Variants in DNAH12 observed in about 807,000 individuals in gnomAD.
The protein encoded by DNAH12 is dynein axonemal heavy chain 12.
In DNAH12, 285 loss-of-function variants were observed where a neutral mutation model predicts 371.5. The observed-to-expected ratio is 0.77, with a 90% confidence interval of 0.70 to 0.85. The LOEUF (loss-of-function observed/expected upper bound fraction) is 0.85. DNAH12 is among the 40% of genes least tolerant of loss of function. The probability of loss-of-function intolerance (pLI) is 0.00; values close to 1 mark genes in which losing one functional copy is unlikely to be tolerated. For synonymous variants in DNAH12, 1,200 were observed against 1,213.0 expected, an observed-to-expected ratio of 0.99 and a Z score of 0.22; for missense variants, 3,611 against 3,689.4, an observed-to-expected ratio of 0.98 and a Z score of 0.55.
At chr3:57,304,857 G>C (rs978325843) in intron 69 of DNAH12, among the ~76,000 whole-genome samples, 1 of 151,796 alleles carries the variant, frequency 6.6e-6, no homozygotes, top group African/African-American at 2.4e-5. Flanking sequence ...CTTTCCTGGG[G>C]GGCAAGCACC....
chr3:57,454,967 G>A, intron 22 of DNAH12, 73 bp from the exon 23 acceptor site: 1 of 1,492,018 alleles, frequency 6.7e-7, no homozygotes. Context: ...TAACAATAGA[G>A]AAATGTAATA....
intron 65 of DNAH12, among the ~76,000 whole-genome samples, chr3:57,315,911 A>G (rs2061674968): frequency 6.6e-6 from 1 of 152,178 alleles, no homozygotes; most frequent in Non-Finnish European, 1.5e-5. Flanking sequence ...AAACAGAAAG[A>G]TGCATACTTG....
chr3:57,482,633 T>G (rs2066783881), intron 13 of DNAH12, among the ~76,000 whole-genome samples: 1 of 152,076 alleles, frequency 6.6e-6, no homozygotes, highest in Non-Finnish European at 1.5e-5. Flanking sequence ...GTATGTTTAT[T>G]GCAGCACTAT....
intron 25 of DNAH12, among the ~76,000 whole-genome samples, chr3:57,448,653 C>T (rs2065629639): frequency 1.3e-5 from 2 of 152,192 alleles, no homozygotes; most frequent in Non-Finnish European, 2.9e-5. Flanking sequence ...CTTTTATTCT[C>T]TTATCTGGCC....
intron 25 of DNAH12, among the ~76,000 whole-genome samples, chr3:57,447,498 T>C (rs4637258): frequency 0.7 from 106,106 of 152,054 alleles, 37,247 homozygotes; most frequent in South Asian, 0.8. Flanking sequence ...GGGGAATAAG[T>C]GAACTCTGCA....
chr3:57,426,399 G>A (rs997035312), intron 34 of DNAH12, among the ~76,000 whole-genome samples: 52 of 152,154 alleles, frequency 3.4e-4, no homozygotes, highest in African/African-American at 1.2e-3. Flanking sequence ...CAGAGCAGCT[G>A]CATGGTATTG....
chr3:57,406,167 A>G (rs782106031), intron 40 of DNAH12, among the ~76,000 whole-genome samples: 5 of 152,098 alleles, frequency 3.3e-5, no homozygotes, highest in Admixed American at 2.0e-4. Context: ...CCTGGCCAAC[A>G]TGGCAAAACC....
intron 60 of DNAH12, among the ~76,000 whole-genome samples, chr3:57,340,135 C>A (rs2062358689): frequency 6.6e-6 from 1 of 150,916 alleles, no homozygotes; most frequent in Non-Finnish European, 1.5e-5. Flanking sequence ...ATGTATGGGA[C>A]ACAACAAAAG....
intron 62 of DNAH12, among the ~76,000 whole-genome samples, chr3:57,332,709 A>C (rs1368446608): frequency 6.6e-6 from 1 of 152,180 alleles, no homozygotes; most frequent in East Asian, 1.9e-4. Flanking sequence ...GTACCTCTGA[A>C]TCCTTGCTGA....
chr3:57,494,598 CA>C (rs1375495032), intron 11 of DNAH12, among the ~76,000 whole-genome samples: 1 of 151,800 alleles, frequency 6.6e-6, no homozygotes, highest in Non-Finnish European at 1.5e-5. Flanking sequence ...TAAAACAAAA[CA>C]AAACATTGTA....
At chr3:57,325,627 A>G (rs960362012) in intron 62 of DNAH12, among the ~76,000 whole-genome samples, 1 of 152,222 alleles carries the variant, frequency 6.6e-6, no homozygotes, top group Admixed American at 6.5e-5. Flanking sequence ...GGGAAAAAAC[A>G]GAGCAGAAAA....
At chr3:57,327,159 A>G (rs1481779827) in intron 62 of DNAH12, among the ~76,000 whole-genome samples, 1 of 152,186 alleles carries the variant, frequency 6.6e-6, no homozygotes, top group African/African-American at 2.4e-5. Flanking sequence ...AACGAGACAG[A>G]AAGTCAACAA....
At chr3:57,414,125 G>C (rs982217183) in intron 38 of DNAH12, among the ~76,000 whole-genome samples, 1 of 149,244 alleles carries the variant, frequency 6.7e-6, no homozygotes, top group Non-Finnish European at 1.5e-5. Context: ...TTAAGTTTCT[G>C]TAGGGAAATC....
At chr3:57,329,895 G>T (rs540191815) in intron 62 of DNAH12, among the ~76,000 whole-genome samples, 29 of 152,110 alleles carry the variant, frequency 1.9e-4, no homozygotes, top group African/African-American at 7.0e-4. Flanking sequence ...ATCCAAAAGT[G>T]GGCAAAGGAC....
Position 57,542,776 on chromosome 3 carries a change from A to G in DNAH12, c.95T>C (p.Val32Ala), listed in dbSNP as rs9311651. The G allele has an allele frequency of 0.17, 270,700 of 1,609,796 alleles. 28,315 individuals carry two copies. The highest frequency in any genetic ancestry group is 0.49 in the African/African-American group (36,201 of 74,464). The change falls in exon 2 of 74, where the codon GTT becomes GCT. Residue 32 changes from valine (V) to alanine (A), a missense_variant. Physicochemically the swap from Val to Ala is moderately conservative, Grantham distance 64. This residue lies in a region of DNAH12 where 1,314 missense variants were observed against 1,398.7 expected (regional missense o/e 0.94). Transcript: ENST00000495027. ...PIVHLPENIG[V>A]DTPTQSKLLK... ...CAGCTTACTTTGTGTTGGTGTATCA[A>G]CGCCTATGTTTTCTGGGAGATGGAC...
intron 10 of DNAH12, 88 bp downstream of exon 10, chr3:57,502,235 G>T: frequency 6.5e-7 from 1 of 1,528,750 alleles, no homozygotes; most frequent in Non-Finnish European, 8.9e-7. Context: ...GTTCTTTCAT[G>T]GCAGCCCCAG....
chr3:57,294,134 A>G (rs533026261), intron 73 of DNAH12, among the ~76,000 whole-genome samples, 163 bp from the exon 74 acceptor site: 1 of 151,930 alleles, frequency 6.6e-6, no homozygotes, highest in East Asian at 1.9e-4. Context: ...CAGTACATAT[A>G]GTATTACGGT....
At chr3:57,502,940 A>G (rs1317008832) in intron 9 of DNAH12, among the ~76,000 whole-genome samples, 2 of 152,190 alleles carry the variant, frequency 1.3e-5, no homozygotes, top group African/African-American at 4.8e-5. Context: ...TCATCCTCCC[A>G]AAGTGTTAGG....
Position 57,309,782 on chromosome 3 carries a change from G to A in DNAH12, c.10969C>T (p.Gln3657Ter), listed in dbSNP as rs1166942436. The A allele has an allele frequency of 6.4e-6, 10 of 1,551,378 alleles. No individual in the cohort carries two copies. The highest frequency in any genetic ancestry group is 8.7e-6 in the Non-Finnish European group (10 of 1,146,894). The change falls in exon 68 of 74, where the codon CAA becomes TAA. Residue 3657 changes from glutamine (Q) to a stop codon, truncating the protein, a stop_gained. Transcript: ENST00000495027. LOFTEE classifies it high-confidence loss of function. ...AAGGACTCAAAGAGGGTTTTTGTTTGTTGAAGATCCTTGGAGATGTCAACG... is the reference window on the plus strand; with the variant it reads ...AAGGACTCAAAGAGGGTTTTTGTTTATTGAAGATCCTTGGAGATGTCAACG... ...ENVDISKDLQQTKTLFESLLL... is the reference protein window; with the variant it reads ...ENVDISKDLQ
Sources: allele counts gnomAD v4.1 joint callset (sites outside exome capture counted in the v4.1 genomes callset), GRCh38; gene constraint gnomAD v4.1.1; regional missense constraint gnomAD v4.1.1; transcripts MANE v1.5; gene names NCBI Gene and HGNC (gene_info 2026-07-23, HGNC 2026-07-21).